IL20RB: variants seen among roughly 807,000 people sequenced by gnomAD.
IL20RB encodes the protein interleukin 20 receptor subunit beta.
Under a neutral mutation model 33.3 loss-of-function variants are expected in IL20RB, and 21 were observed. That is an observed-to-expected ratio of 0.63 (90% confidence interval 0.45 to 0.91). The LOEUF is 0.91. Among genes scored for constraint, IL20RB ranks in the 40% least tolerant of loss-of-function variants. IL20RB has a pLI of 0.00. For synonymous variants in IL20RB, 147 were observed against 146.8 expected, an observed-to-expected ratio of 1.00 and a Z score of -0.01; for missense variants, 345 against 384.8, an observed-to-expected ratio of 0.90 and a Z score of 0.86.
At chr3:136,992,237 T>C in intron 5 of IL20RB, 149 bp downstream of exon 5, 1 of 826,194 alleles carries the variant, frequency 1.2e-6, no homozygotes, top group Non-Finnish European at 1.8e-6. Flanking sequence ...CATAGTGAAA[T>C]TATGTTTGTG....
In IL20RB at chr3:136,993,385, T is replaced by G. The variant is rs1365953442; in HGVS notation, c.682+1297T>G. Among the ~76,000 whole-genome samples the G allele has an allele frequency of 2.6e-5, 4 of 152,204 alleles. No homozygotes were observed. In the East Asian group the frequency reaches 7.7e-4, roughly 29 times the overall value. ...GGCTTGTCTTCACTCAGTAGTATAT[T>G]GTGAACATCTTTTCATGTCAATACA... On this transcript the variant is annotated intron_variant, in intron 5 of 6. Coordinates refer to ENST00000329582, the MANE Select transcript of IL20RB (RefSeq NM_144717.4).
At chr3:136,958,975 C>T (rs570620197) in intron 1 of IL20RB, 27 of 151,898 alleles carry the variant, frequency 1.8e-4, no homozygotes, top group African/African-American at 5.8e-4. Context: ...GTGTTTTACA[C>T]AGAACTAATT....
At chr3:136,992,197 C>A in intron 5 of IL20RB, 109 bp downstream of exon 5, 1 of 1,182,196 alleles carries the variant, frequency 8.5e-7, no homozygotes, top group South Asian at 1.6e-5. Flanking sequence ...CTTGATTTCA[C>A]TGACCTCCCT....
chr3:136,984,632 G>T (rs835641), intron 3 of IL20RB, among the ~76,000 whole-genome samples: 69,755 of 150,976 alleles, frequency 0.46, 16,589 homozygotes, highest in East Asian at 0.7. Context: ...AAGAAGAGGA[G>T]CCCAAGCTGA....
intron 5 of IL20RB, among the ~76,000 whole-genome samples, chr3:136,994,601 C>T (rs1043818492): frequency 6.6e-6 from 1 of 152,146 alleles, no homozygotes. Flanking sequence ...AGGTGAGTAG[C>T]CTGGCCCAGA....
At position 136,980,594 on chromosome 3, in the gene IL20RB, T is replaced by A. The variant is rs1266722304; in HGVS notation, c.215+2T>A. 2 of 1,613,906 alleles carry A rather than the reference T, an allele frequency of 1.2e-6. No homozygotes were observed. The highest frequency in any genetic ancestry group is 1.7e-5 in the Admixed American group (1 of 59,984). On this transcript the variant is annotated splice_donor_variant, in intron 2 of 6. Transcript: ENST00000329582. LOFTEE classifies it high-confidence loss of function. Reference sequence around the variant, plus strand: ...GTACTATTCTGTCGAATACCAGGGGTGAGTTTTTTCTTTTAATAGTTCTTC... The same window carrying A: ...GTACTATTCTGTCGAATACCAGGGGAGAGTTTTTTCTTTTAATAGTTCTTC...
chr3:136,987,106 ACAGTGTG>A (rs1356534248), intron 3 of IL20RB, among the ~76,000 whole-genome samples: 4 of 152,140 alleles, frequency 2.6e-5, no homozygotes, highest in Non-Finnish European at 4.4e-5. Flanking sequence ...CAAAGCTTCC[ACAGTGTG>A]GAAGGGGACC....
chr3:137,002,036 G>A (rs759334663), intron 6 of IL20RB, among the ~76,000 whole-genome samples: 5 of 152,130 alleles, frequency 3.3e-5, no homozygotes, highest in East Asian at 3.9e-4. Context: ...TTGGTTTTCC[G>A]TCCTTGTGAT....
chr3:136,960,422 A>C (rs1054869539), intron 1 of IL20RB, among the ~76,000 whole-genome samples: 1 of 152,128 alleles, frequency 6.6e-6, no homozygotes. Flanking sequence ...CTGGGATTAC[A>C]GGCATGAGCC....
At chr3:136,958,691 T>C (rs1447378935) in intron 1 of IL20RB, among the ~76,000 whole-genome samples, 1 of 152,234 alleles carries the variant, frequency 6.6e-6, no homozygotes, top group Non-Finnish European at 1.5e-5. Context: ...CATAGCATTC[T>C]AAAAAATATT....
intron 4 of IL20RB, among the ~76,000 whole-genome samples, chr3:136,991,379 A>G (rs1942027261): frequency 6.6e-6 from 1 of 152,132 alleles, no homozygotes; most frequent in Admixed American, 6.5e-5. Context: ...AAGCCCCATG[A>G]GAGCAAGGAC....
chr3:136,984,175 G>A (rs1262752012), intron 3 of IL20RB, among the ~76,000 whole-genome samples: 1 of 152,170 alleles, frequency 6.6e-6, no homozygotes, highest in African/African-American at 2.4e-5. Flanking sequence ...GGAAGTAGAC[G>A]AGACTGTTTA....
In IL20RB at chr3:136,987,110, T is replaced by C. The variant is rs970462416; in HGVS notation, c.407-2331T>C. ...GAGCGAAAGAACAAAGCTTCCACAG[T>C]GTGGAAGGGGACCCGAGCGGGTTGC... On this transcript the variant is annotated intron_variant, in intron 3 of 6. Coordinates refer to ENST00000329582, the MANE Select transcript of IL20RB (RefSeq NM_144717.4). 3.3e-5 allele frequency among the ~76,000 whole-genome samples: 5 copies of C among 152,094 alleles called. No individual in the cohort carries two copies. In the East Asian group the frequency reaches 7.7e-4, roughly 23 times the overall value.
At chr3:136,973,955 T>G (rs970555716) in intron 1 of IL20RB, among the ~76,000 whole-genome samples, 6 of 152,162 alleles carry the variant, frequency 3.9e-5, no homozygotes, top group Non-Finnish European at 8.8e-5. Context: ...ATGTCTTTAC[T>G]GGTAAGGTGA....
At chr3:136,960,138 C>CTTTTTT (rs10540948) in intron 1 of IL20RB, among the ~76,000 whole-genome samples, 2 of 36,196 alleles carry the variant, frequency 5.5e-5, no homozygotes, top group African/African-American at 1.1e-4. Flanking sequence ...AGAGTTGTGG[C>CTTTTTT]TTTTTTTTTT....
chr3:136,963,770 G>A (rs1941298320), intron 1 of IL20RB, among the ~76,000 whole-genome samples: 1 of 107,876 alleles, frequency 9.3e-6, no homozygotes, highest in Non-Finnish European at 1.8e-5. Flanking sequence ...GTATACATGT[G>A]CCATGCTGGT....
intron 3 of IL20RB, among the ~76,000 whole-genome samples, chr3:136,987,692 A>C (rs1026440076): frequency 6.6e-6 from 1 of 152,104 alleles, no homozygotes; most frequent in Non-Finnish European, 1.5e-5. Flanking sequence ...AGGGGGTGGG[A>C]GGCTCAGGCA....
intron 6 of IL20RB, among the ~76,000 whole-genome samples, chr3:136,995,875 C>T (rs1212140296): frequency 3.3e-5 from 5 of 152,290 alleles, no homozygotes; most frequent in Non-Finnish European, 7.4e-5. Flanking sequence ...TCTTACCCTC[C>T]CAGACTGGCC....
chr3:136,990,105 G>A (rs958845153), intron 4 of IL20RB, among the ~76,000 whole-genome samples: 2 of 151,930 alleles, frequency 1.3e-5, no homozygotes, highest in Admixed American at 6.6e-5. Flanking sequence ...CCCATGGGAA[G>A]GGTGCTACAG....
Sources: allele counts gnomAD v4.1 joint callset (sites outside exome capture counted in the v4.1 genomes callset), GRCh38; gene constraint gnomAD v4.1.1; transcripts MANE v1.5; gene names NCBI Gene and HGNC (gene_info 2026-07-23, HGNC 2026-07-21).